Variants in PHACTR2 observed in about 807,000 individuals in gnomAD.
The protein encoded by PHACTR2 is chromosome 6 open reading frame 56.
Under a neutral mutation model 76.0 loss-of-function variants are expected in PHACTR2, and 30 were observed. The observed-to-expected ratio is 0.39, with a 90% confidence interval of 0.30 to 0.54. The LOEUF (loss-of-function observed/expected upper bound fraction) is 0.54, where lower values mean the gene tolerates loss of function less well. PHACTR2 is among the 20% of genes least tolerant of loss of function. PHACTR2 has a pLI of 0.61. For synonymous variants in PHACTR2, 292 were observed against 292.5 expected (o/e 1.00, Z 0.02); for missense variants, 696 against 781.1 (o/e 0.89, Z 1.30).
At chr6:143,661,335 AAC>A (rs1349775117) in intron 1 of PHACTR2, among the ~76,000 whole-genome samples, 16 of 152,194 alleles carry the variant, frequency 1.1e-4, no homozygotes, top group Non-Finnish European at 1.8e-4. Context: ...AAAACACTGT[AAC>A]ACATCTATAA....
At position 143,748,656 on chromosome 6, in the gene PHACTR2, T is replaced by A. The variant is rs188969928; in HGVS notation, c.215-329T>A. On this transcript the variant is annotated intron_variant, in intron 2 of 12. Transcript: ENST00000440869. ...ACTGCATATCCATAGAATTATATGT[T>A]TTAGAATGCAACATTTCTAGCTTCA... 2.4e-4 allele frequency among the ~76,000 whole-genome samples: 37 copies of A among 152,364 alleles called. No individual in the cohort carries two copies. The East Asian group carries it at 6.4e-3, about 26-fold the overall frequency.
In PHACTR2 at chr6:143,827,136, C is replaced by G. The variant is rs932052893; in HGVS notation, c.*3447C>G. On this transcript the variant is annotated 3_prime_UTR_variant, in exon 13 of 13. Transcript: ENST00000440869. ...ACAGCCTGCAATTAATTCAGGGCTG[C>G]GTTGGCATTAAAAAAGAAAATATAT... 8.7e-6 allele frequency: 1 copy of G among 114,338 alleles called. No individual in the cohort carries two copies. Among genetic ancestry groups the G allele is most frequent in the African/African-American group, 3.3e-5 (1 of 30,234 alleles). 7.1% of individuals were successfully genotyped at this position (114,338 alleles called of 1,614,324 possible). A position where few individuals can be genotyped will look rare whatever the true frequency, so the allele number is the denominator to read the frequency against.
chr6:143,745,818 C>T lies in PHACTR2; in HGVS notation c.215-3167C>T, dbSNP rs181146540. Among the ~76,000 whole-genome samples the T allele has an allele frequency of 1.1e-3, 168 of 152,350 alleles. 1 individual carries two copies. The highest frequency in any genetic ancestry group is 6.8e-3 in the Middle Eastern group (2 of 294). ...CAAATAGCCAACGGCATTTTCCTAT[C>T]AGAGCCTGTTTATAGGAGGTAGAGC... On this transcript the variant is annotated intron_variant, in intron 2 of 12. Coordinates refer to ENST00000440869, the MANE Select transcript of PHACTR2 (RefSeq NM_001100164.2).
chr6:143,728,539 G>A (rs1334172527), intron 2 of PHACTR2, among the ~76,000 whole-genome samples: 3 of 151,890 alleles, frequency 2.0e-5, no homozygotes, highest in Non-Finnish European at 4.4e-5. Flanking sequence ...GCAATCCTGA[G>A]CAAAAAGAAG....
In PHACTR2 at chr6:143,821,779, G is replaced by A. The variant is rs142899584; in HGVS notation, c.1923-1895G>A. ...GAGGCCGAGGACAGATTGCTTGAGT[G>A]CAGGAGTTTGAGAACAGCCTGAGCA... is the stretch of plus-strand genomic sequence containing the variant. On this transcript the variant is annotated intron_variant, in intron 12 of 12. Coordinates refer to ENST00000440869, the MANE Select transcript of PHACTR2 (RefSeq NM_001100164.2). The surrounding 1 kb of genome is among the most constrained non-coding windows in gnomAD (Gnocchi z 5.2). Among the ~76,000 whole-genome samples the A allele has an allele frequency of 0.011, 1,606 of 152,250 alleles. 38 individuals carry two copies. The highest frequency in any genetic ancestry group is 0.037 in the African/African-American group (1,533 of 41,546).
rs371119619 is a variant in PHACTR2, at chr6:143,678,229, GAT to G, written c.46+21_46+22del. On this transcript the variant is annotated intron_variant, in intron 1 of 12. Transcript: ENST00000440869. The surrounding 1 kb of genome is among the most constrained non-coding windows in gnomAD (Gnocchi z 6.2). ...GCAGCGGTGAGTCCGGGGCGCACGCGATGCGCTCCCGCCGCGCGGGCGCAGGG... is the reference window on the plus strand; with the variant it reads ...GCAGCGGTGAGTCCGGGGCGCACGCGGCGCTCCCGCCGCGCGGGCGCAGGG... The G allele has an allele frequency of 1.0e-3, 1,539 of 1,484,958 alleles. 10 individuals carry two copies. In the African/African-American group the frequency reaches 0.015, roughly 15 times the overall value. 92.0% of individuals were successfully genotyped at this position (1,484,958 alleles called of 1,614,324 possible).
At chr6:143,748,902 T>C in intron 2 of PHACTR2, 83 bp from the exon 3 acceptor site, 1 of 728,416 alleles carries the variant, frequency 1.4e-6, no homozygotes, top group Non-Finnish European at 2.4e-6. Context: ...GGAGAATAAA[T>C]GTGCTCAATT....
Position 143,794,087 on chromosome 6 carries a change from C to T in PHACTR2, c.1845+5177C>T, listed in dbSNP as rs182521083. On this transcript the variant is annotated intron_variant, in intron 11 of 12. Transcript: ENST00000440869. The surrounding 1 kb of genome is among the most constrained non-coding windows in gnomAD (Gnocchi z 4.1). Reference sequence around the variant, plus strand: ...ATAAAAAAAGAACCACTTTAATGCACGGTACTTTTAATAATTTCTAAAAAT... The same window carrying T: ...ATAAAAAAAGAACCACTTTAATGCATGGTACTTTTAATAATTTCTAAAAAT... 2.7e-3 allele frequency among the ~76,000 whole-genome samples: 408 copies of T among 151,862 alleles called. 6 individuals carry two copies. Among genetic ancestry groups the T allele is most frequent in the South Asian group, 8.3e-4 (4 of 4,816 alleles).
In PHACTR2 at chr6:143,731,187, GT is replaced by G. The variant is rs1462630838; in HGVS notation, c.215-17791del. Among the ~76,000 whole-genome samples the G allele has an allele frequency of 6.6e-6, 1 of 152,132 alleles. No individual in the cohort carries two copies. Among genetic ancestry groups the G allele is most frequent in the African/African-American group, 2.4e-5 (1 of 41,426 alleles). On this transcript the variant is annotated intron_variant, in intron 2 of 12. Coordinates refer to ENST00000440869, the MANE Select transcript of PHACTR2 (RefSeq NM_001100164.2). The surrounding 1 kb of genome is among the most constrained non-coding windows in gnomAD (Gnocchi z 4.9). ...TGGATCAATTGATATGGTCATTTCA[GT>G]TTTTTTCTTTAGACCACTATTATGG... is the stretch of plus-strand genomic sequence containing the variant.
chr6:143,574,533 T>C (rs4896667), intron 1 of PHACTR2, among the ~76,000 whole-genome samples: 140,703 of 152,174 alleles, frequency 0.92, 65,200 homozygotes, highest in East Asian at 1. Context: ...GTTATAACTA[T>C]TTTTTTTTCT....
chr6:143,807,238 G>A lies in PHACTR2; in HGVS notation c.1922+105G>A, dbSNP rs1776085769. The A allele has an allele frequency of 3.0e-6, 2 of 665,510 alleles. No individual in the cohort carries two copies. Among genetic ancestry groups the A allele is most frequent in the Non-Finnish European group, 5.3e-6 (2 of 376,094 alleles). 41.2% of individuals were successfully genotyped at this position (665,510 alleles called of 1,614,324 possible). A position where few individuals can be genotyped will look rare whatever the true frequency, so the allele number is the denominator to read the frequency against. On this transcript the variant is annotated intron_variant, in intron 12 of 12. Transcript: ENST00000440869. The surrounding 1 kb of genome is among the most constrained non-coding windows in gnomAD (Gnocchi z 5.5). ...CTTACAATGGTAAATTTTATGATAG[G>A]TATATTTCATCACAATTAAAAAATG...
intron 1 of PHACTR2, among the ~76,000 whole-genome samples, chr6:143,566,983 T>A (rs1282254017): frequency 6.6e-6 from 1 of 152,134 alleles, no homozygotes; most frequent in African/African-American, 2.4e-5. Context: ...TCCATTTGGT[T>A]CAGAATTTCC....
intron 12 of PHACTR2, among the ~76,000 whole-genome samples, chr6:143,813,332 A>C (rs1776220240): frequency 6.6e-6 from 1 of 152,140 alleles, no homozygotes; most frequent in African/African-American, 2.4e-5. Flanking sequence ...TTTAAAATTC[A>C]GATGCAGCCG....
At chr6:143,620,825 G>A (rs1172746386) in intron 1 of PHACTR2, among the ~76,000 whole-genome samples, 1 of 152,236 alleles carries the variant, frequency 6.6e-6, no homozygotes, top group Non-Finnish European at 1.5e-5. Flanking sequence ...TTAGGGAAAT[G>A]TGGTTGTATT....
At chr6:143,703,829 T>C (rs1356947390) in intron 1 of PHACTR2, among the ~76,000 whole-genome samples, 1 of 152,216 alleles carries the variant, frequency 6.6e-6, no homozygotes, top group Non-Finnish European at 1.5e-5. Flanking sequence ...CATTTATATA[T>C]AGAAAGTTCA....
rs187711621 is a variant in PHACTR2 at position 143,602,309 on chromosome 6, G to C, written c.217+65102G>C. On this transcript the variant is annotated intron_variant, in intron 1 of 11. Coordinates refer to the PHACTR2 transcript ENST00000367584. The surrounding 1 kb of genome is among the most constrained non-coding windows in gnomAD (Gnocchi z 6.1). The stretch of plus-strand genomic sequence containing the variant: ...TATTTAGGGACCCACGTGAAGCTTA[G>C]TTAATTATTGATTATGAAGACTTAT... Among the ~76,000 whole-genome samples, 5 of 152,310 alleles carry C rather than the reference G, an allele frequency of 3.3e-5. No individual in the cohort carries two copies. In the East Asian group the frequency reaches 9.6e-4, roughly 29 times the overall value.
At chr6:143,756,471 G>T (rs368147245) in intron 4 of PHACTR2, among the ~76,000 whole-genome samples, 4 of 150,728 alleles carry the variant, frequency 2.7e-5, no homozygotes, top group African/African-American at 7.3e-5. Context: ...CGAGGCGGGC[G>T]GATCACGAGG....
chr6:143,795,048 T>A lies in PHACTR2; in HGVS notation c.1845+6138T>A, dbSNP rs780919886. On this transcript the variant is annotated intron_variant, in intron 11 of 12. Transcript: ENST00000440869. The surrounding 1 kb of genome is among the most constrained non-coding windows in gnomAD (Gnocchi z 4.8). ...TGGTAGTCTGGTTAAATGGCTCATG[T>A]TGGAAAAGAGAAGTGGTGGGAGAAA... 1.3e-5 allele frequency among the ~76,000 whole-genome samples: 2 copies of A among 152,124 alleles called. No individual in the cohort carries two copies. The highest frequency in any genetic ancestry group is 2.9e-5 in the Non-Finnish European group (2 of 68,018).
rs2073215 is a variant in PHACTR2 at position 143,760,631 on chromosome 6, C to A, written c.685C>A (p.Arg229=). 0.11 allele frequency: 174,632 copies of A among 1,613,568 alleles called. 12,681 individuals are homozygous for A. The highest frequency in any genetic ancestry group is 0.36 in the East Asian group (16,058 of 44,832). The change falls in exon 5 of 13, where the codon CGA becomes AGA. Residue 229 remains arginine, a synonymous_variant. Transcript: ENST00000440869. The surrounding 1 kb of genome is among the most constrained non-coding windows in gnomAD (Gnocchi z 6.4). ...PPKPASRNTT[R]EAAGSSHSKK... is the part of the protein sequence containing the mutation. ...CAAGCCAGCAAGCCGAAACACGACC[C>A]GAGAGGCTGGTGAGTATGCCCCCAG...
Sources: allele counts gnomAD v4.1 joint callset (sites outside exome capture counted in the v4.1 genomes callset), GRCh38; gene constraint gnomAD v4.1.1; non-coding constraint Gnocchi (gnomAD v3.1); transcripts MANE v1.5; gene names NCBI Gene and HGNC (gene_info 2026-07-23, HGNC 2026-07-21).